Variants in TOX2 observed in about 807,000 individuals in gnomAD.
TOX2 encodes the protein granulosa cell HMG box 1.
In TOX2, 15 loss-of-function variants were observed where a neutral mutation model predicts 47.4. The ratio of observed to expected loss-of-function variants is 0.32; its 90% CI spans 0.21 to 0.49. The LOEUF is 0.49. TOX2 is among the 20% of genes least tolerant of loss of function. The pLI, the probability that TOX2 is intolerant of heterozygous loss-of-function variation, is 0.99. For missense variants in TOX2, 622 were observed against 673.1 expected, an observed-to-expected ratio of 0.92 and a Z score of 0.84; for synonymous variants, 290 against 296.6, an observed-to-expected ratio of 0.98 and a Z score of 0.23.
chr20:44,017,303 G>A (rs2070896672), intron 3 of TOX2, among the ~76,000 whole-genome samples: 1 of 152,184 alleles, frequency 6.6e-6, no homozygotes, highest in South Asian at 2.1e-4. Flanking sequence ...GCTGAGTAGG[G>A]ACCTAAGCTG....
intron 3 of TOX2, among the ~76,000 whole-genome samples, chr20:44,032,120 G>A (rs2071163711): frequency 6.6e-6 from 1 of 152,198 alleles, no homozygotes; most frequent in Admixed American, 6.5e-5. Context: ...GGGTAGGATG[G>A]TCGGGGAAGG....
chr20:43,970,154 C>G (rs1435344143), intron 1 of TOX2, among the ~76,000 whole-genome samples: 1 of 152,142 alleles, frequency 6.6e-6, no homozygotes, highest in Non-Finnish European at 1.5e-5. Context: ...TGGGAGAGTC[C>G]AAGCAGAAAA....
intron 3 of TOX2, among the ~76,000 whole-genome samples, chr20:44,015,089 C>G (rs1205009095): frequency 6.6e-6 from 1 of 152,032 alleles, no homozygotes; most frequent in Non-Finnish European, 1.5e-5. Context: ...AGGTGCCATG[C>G]TTTTGTCTAA....
intron 2 of TOX2, among the ~76,000 whole-genome samples, chr20:43,978,347 C>G (rs547346768): frequency 1.3e-5 from 2 of 152,170 alleles, no homozygotes; most frequent in African/African-American, 4.8e-5. Context: ...CCTGTCATGT[C>G]CTGCCTCCCT....
At chr20:44,001,006 A>G (rs1048590234) in intron 2 of TOX2, among the ~76,000 whole-genome samples, 4 of 152,124 alleles carry the variant, frequency 2.6e-5, no homozygotes, top group African/African-American at 9.7e-5. Flanking sequence ...GTGGGATGAA[A>G]ACATGATTGG....
In TOX2 at chr20:44,066,034, A is replaced by G; in HGVS notation, c.1283A>G (p.Gln428Arg). The G allele has an allele frequency of 6.3e-7, 1 of 1,586,008 alleles. No homozygotes were observed. ...SPPVSMSPAP[Q>R]PPVLPTPMAL... ...CCTGTTAGCATGTCCCCAGCCCCCC[A>G]GCCCCCTGTCCTGCCCACCCCCATG... The change falls in exon 7 of 9, where the codon CAG becomes CGG. Residue 428 changes from glutamine (Q) to arginine (R), a missense_variant. Physicochemically the swap from Gln to Arg is conservative, Grantham distance 43 (BLOSUM62 1). This residue lies in a region of TOX2 where 294 missense variants were observed against 300.0 expected (regional missense o/e 0.98). Coordinates refer to ENST00000341197, the MANE Select transcript of TOX2 (RefSeq NM_001098797.2).
In TOX2 at chr20:44,026,704, C is replaced by G. The variant is rs1341941192; in HGVS notation, c.411+19912C>G. 2.6e-5 allele frequency among the ~76,000 whole-genome samples: 4 copies of G among 152,150 alleles called. 1 individual carries two copies. The highest frequency in any genetic ancestry group is 2.0e-4 in the Admixed American group (3 of 15,268). On this transcript the variant is annotated intron_variant, in intron 3 of 8. Transcript: ENST00000341197. ...TCTCAGGCCAGACCTCCCCACACCC[C>G]CTTCATCAATTAAATTGTGGTAAAT...
chr20:43,964,865 A>G lies in TOX2; in HGVS notation c.100-8502A>G, dbSNP rs138828930. Among the ~76,000 whole-genome samples, 134 of 152,260 alleles carry G rather than the reference A, an allele frequency of 8.8e-4. 1 individual carries two copies. In the East Asian group the frequency reaches 0.021, roughly 23 times the overall value. ...AGTGCTCACAGCAGCCTTGGATGTC[A>G]TATTCCCTGCTCCTTGCCTAGTCAC... is the stretch of plus-strand genomic sequence containing the variant. On this transcript the variant is annotated intron_variant, in intron 1 of 8. Coordinates refer to ENST00000341197, the MANE Select transcript of TOX2 (RefSeq NM_001098797.2).
At chr20:44,000,212 T>C (rs1047463340) in intron 2 of TOX2, among the ~76,000 whole-genome samples, 6 of 152,188 alleles carry the variant, frequency 3.9e-5, no homozygotes, top group African/African-American at 1.4e-4. Context: ...GCAGAGCTTA[T>C]ATTTTAGCAG....
At chr20:44,004,190 C>T (rs1035984056) in intron 2 of TOX2, among the ~76,000 whole-genome samples, 6 of 152,042 alleles carry the variant, frequency 3.9e-5, no homozygotes, top group East Asian at 1.9e-4. Context: ...CACAGGGACA[C>T]GGCAGGGGAA....
rs1289035485 is a variant in TOX2, at chr20:44,064,787, G to C, written c.890G>C (p.Arg297Thr). The change falls in exon 6 of 9, where the codon AGG becomes ACG. Residue 297 changes from arginine (R) to threonine (T), a missense_variant. Transcript: ENST00000341197. ...TGTTGACTCTTCCAGGCCTACAAGA[G>C]GAAGACAGAAGCAGCAAAGAAGGAA... ...LGEEQKQAYK[R>T]KTEAAKKEYL... 1 of 1,614,048 alleles carries C rather than the reference G, an allele frequency of 6.2e-7. No homozygotes were observed. The highest frequency in any genetic ancestry group is 1.3e-5 in the African/African-American group (1 of 74,934).
chr20:43,953,638 T>C (rs2069618594), intron 1 of TOX2, among the ~76,000 whole-genome samples: 1 of 151,864 alleles, frequency 6.6e-6, no homozygotes, highest in Non-Finnish European at 1.5e-5. Flanking sequence ...GCCCCAGGAG[T>C]GGCTCAGTTG....
At chr20:44,038,768 G>C (rs953419736) in intron 3 of TOX2, among the ~76,000 whole-genome samples, 4 of 152,266 alleles carry the variant, frequency 2.6e-5, no homozygotes, top group Non-Finnish European at 5.9e-5. Context: ...GAAGGAGGAA[G>C]GTGTGATTTT....
chr20:43,951,707 G>GTTTTTTTTTTTTTTTTGTTTT lies in TOX2; in HGVS notation c.100-21644_100-21643insGTTTTTTTTTTTTTTTTTTTT, dbSNP rs2069572312. ...TGACCATTACTATTAAACTTATTAT[G>GTTTTTTTTTTTTTTTTGTTTT]TTTTTTTTTTTTTTTTTTTTTAGAG... On this transcript the variant is annotated intron_variant, in intron 1 of 8. Coordinates refer to ENST00000341197, the MANE Select transcript of TOX2 (RefSeq NM_001098797.2). Among the ~76,000 whole-genome samples, 24 of 55,098 alleles carry GTTTTTTTTTTTTTTTTGTTTT rather than the reference G, an allele frequency of 4.4e-4. 3 individuals are homozygous for GTTTTTTTTTTTTTTTTGTTTT. Among genetic ancestry groups the GTTTTTTTTTTTTTTTTGTTTT allele is most frequent in the Non-Finnish European group, 7.8e-4 (20 of 25,578 alleles). 36.1% of individuals were successfully genotyped at this position (55,098 alleles called of 152,430 possible). A position where few individuals can be genotyped will look rare whatever the true frequency, so the allele number is the denominator to read the frequency against.
intron 1 of TOX2, among the ~76,000 whole-genome samples, chr20:43,967,474 G>A (rs116652059): frequency 4.3e-4 from 66 of 151,996 alleles, no homozygotes; most frequent in African/African-American, 1.4e-3. Context: ...TTACCCACCC[G>A]GGAACCCACA....
chr20:43,955,175 T>C (rs1158422920), intron 1 of TOX2: 15 of 917,458 alleles, frequency 1.6e-5, no homozygotes, highest in Non-Finnish European at 1.8e-5. Context: ...ACTGAAGCTA[T>C]GGCATAATTT....
At chr20:44,015,798 C>T (rs1237055786) in intron 3 of TOX2, among the ~76,000 whole-genome samples, 2 of 152,116 alleles carry the variant, frequency 1.3e-5, no homozygotes, top group Non-Finnish European at 2.9e-5. Flanking sequence ...GTAAACCCCC[C>T]ATCCCATCCC....
intron 1 of TOX2, among the ~76,000 whole-genome samples, chr20:43,967,356 C>T (rs1264175641): frequency 1.3e-5 from 2 of 152,060 alleles, no homozygotes; most frequent in African/African-American, 4.8e-5. Flanking sequence ...ATGTTGCAAC[C>T]GTGAGTAGCC....
chr20:44,065,645 C>G, intron 6 of TOX2, 67 bp from the exon 7 acceptor site: 1 of 1,516,706 alleles, frequency 6.6e-7, no homozygotes, highest in Non-Finnish European at 8.9e-7. Context: ...AGCCTCCTGG[C>G]CTCACAGCCC....
Sources: gnomAD v4.1 joint callset for allele counts (sites outside exome capture counted in the v4.1 genomes callset) on GRCh38, gnomAD v4.1.1 for gene constraint, gnomAD v4.1.1 regional missense constraint, MANE v1.5 for transcripts, NCBI Gene and HGNC (gene_info 2026-07-23, HGNC 2026-07-21) for gene names.